Variants in CFLAR observed in about 807,000 individuals in gnomAD.
The protein encoded by CFLAR is CASP8 and FADD like apoptosis regulator.
In CFLAR, 14 loss-of-function variants were observed where a neutral mutation model predicts 51.1. That is an observed-to-expected ratio of 0.27 (90% CI 0.18 to 0.43). The LOEUF is 0.43. Ranked by LOEUF, CFLAR falls within the 20% of genes least tolerant of loss-of-function variation. The pLI is 1.00. For synonymous variants in CFLAR, 210 were observed against 211.6 expected (o/e 0.99, Z 0.06); for missense variants, 390 against 566.5 (o/e 0.69, Z 3.16).
In CFLAR at chr2:201,129,789, C is replaced by G; in HGVS notation, c.-77C>G. On this transcript the variant is annotated 5_prime_UTR_variant, in exon 2 of 10. Coordinates refer to ENST00000309955, the MANE Select transcript of CFLAR (RefSeq NM_003879.7). ...AGTCAGCCCTCAGAAATGAAGTTGA[C>G]TGCCTGCTGGCTTTCTGTTGACTGG... is the stretch of plus-strand genomic sequence containing the variant. The G allele has an allele frequency of 1.5e-6, 2 of 1,378,640 alleles. No individual in the cohort carries two copies. The highest frequency in any genetic ancestry group is 2.0e-6 in the Non-Finnish European group (2 of 996,924). The allele number at this position is 1,378,640 out of a possible 1,614,324, so 85.4% of individuals were successfully genotyped here.
At chr2:201,150,194 C>T (rs1941029259) in intron 8 of CFLAR, 1 of 155,050 alleles carries the variant, frequency 6.4e-6, no homozygotes. Flanking sequence ...ATTAGCTGGG[C>T]ATGGTGGTGG....
At chr2:201,125,116 C>CA (rs1033340593) in intron 1 of CFLAR, among the ~76,000 whole-genome samples, 1 of 152,044 alleles carries the variant, frequency 6.6e-6, no homozygotes, top group Non-Finnish European at 1.5e-5. Flanking sequence ...GACATAAATG[C>CA]AAAAAATCTA....
At chr2:201,132,042 A>G (rs2125680687) in intron 2 of CFLAR, among the ~76,000 whole-genome samples, 1 of 152,244 alleles carries the variant, frequency 6.6e-6, no homozygotes, top group African/African-American at 2.4e-5. Context: ...CTATTCAGCC[A>G]TCAGTTTTAA....
chr2:201,138,923 A>T lies in CFLAR; in HGVS notation c.524-1434A>T. Reference sequence around the variant, plus strand: ...TGAGGTCAGGTCCACCTCATCAGCTATGAAGTCTATGAATCCTGGGAGAAT... The same window carrying T: ...TGAGGTCAGGTCCACCTCATCAGCTTTGAAGTCTATGAATCCTGGGAGAAT... On this transcript the variant is annotated intron_variant, in intron 4 of 9. Coordinates refer to ENST00000309955, the MANE Select transcript of CFLAR (RefSeq NM_003879.7). This position sits in a 1 kb window ranked among gnomAD's most constrained non-coding sequence, Gnocchi z 4.0. 1 of 641,058 alleles carries T rather than the reference A, an allele frequency of 1.6e-6. No individual in the cohort carries two copies. Among genetic ancestry groups the T allele is most frequent in the South Asian group, 1.4e-5 (1 of 73,350 alleles). 39.7% of individuals were successfully genotyped at this position (641,058 alleles called of 1,614,324 possible).
At position 201,170,799 on chromosome 2, in the gene CFLAR, T is replaced by C. The variant is rs142152782; in HGVS notation, c.*6826T>C. Reference sequence around the variant, plus strand: ...CTTTTTTTTACACAAAAATATGTTGTGAATATTTTCCTATATTATGAAATA... The same window carrying C: ...CTTTTTTTTACACAAAAATATGTTGCGAATATTTTCCTATATTATGAAATA... On this transcript the variant is annotated 3_prime_UTR_variant, in exon 10 of 10. Coordinates refer to ENST00000309955, the MANE Select transcript of CFLAR (RefSeq NM_003879.7). 2 of 152,372 alleles carry C rather than the reference T, an allele frequency of 1.3e-5. No individual in the cohort carries two copies. Among genetic ancestry groups the C allele is most frequent in the African/African-American group, 4.8e-5 (2 of 41,590 alleles). The allele number at this position is 152,372 out of a possible 1,614,324, so 9.4% of individuals were successfully genotyped here.
chr2:201,165,245 T>C lies in CFLAR; in HGVS notation c.*1272T>C, dbSNP rs1396598337. On this transcript the variant is annotated 3_prime_UTR_variant, in exon 10 of 10. Transcript: ENST00000309955. The stretch of plus-strand genomic sequence containing the variant: ...TTTGAAATATCATTAGAGTTGCTTA[T>C]TATTATTATTATTATTATTATTATT... The C allele has an allele frequency of 7.4e-3, 12 of 1,612 alleles. No individual in the cohort carries two copies. Among genetic ancestry groups the C allele is most frequent in the Admixed American group, 0.059 (6 of 102 alleles). The allele number at this position is 1,612 out of a possible 1,614,324, so 0.1% of individuals were successfully genotyped here.
At chr2:201,126,005 G>A (rs532063785) in intron 1 of CFLAR, among the ~76,000 whole-genome samples, 1 of 152,202 alleles carries the variant, frequency 6.6e-6, no homozygotes, top group East Asian at 1.9e-4. Flanking sequence ...AATTGAAAAT[G>A]CTGGCCAGAG....
intron 1 of CFLAR, among the ~76,000 whole-genome samples, chr2:201,117,750 CT>C (rs1174973596): frequency 0.012 from 1,415 of 113,870 alleles, 8 homozygotes; most frequent in African/African-American, 0.034. Context: ...GCTCCAAGAT[CT>C]TTTTTTTTTT....
At chr2:201,156,202 G>A (rs772667668) in intron 8 of CFLAR, among the ~76,000 whole-genome samples, 43 of 152,194 alleles carry the variant, frequency 2.8e-4, no homozygotes, top group Middle Eastern at 6.8e-3. Context: ...AGAGTTTTCC[G>A]GTCAAGTAAA....
Position 201,124,355 on chromosome 2 carries a change from C to T in CFLAR, c.-137-5374C>T, listed in dbSNP as rs1010476772. 3.3e-5 allele frequency among the ~76,000 whole-genome samples: 5 copies of T among 152,074 alleles called. No individual in the cohort carries two copies. Among genetic ancestry groups the T allele is most frequent in the Non-Finnish European group, 7.4e-5 (5 of 68,004 alleles). On this transcript the variant is annotated intron_variant, in intron 1 of 9. Coordinates refer to ENST00000309955, the MANE Select transcript of CFLAR (RefSeq NM_003879.7). The surrounding 1 kb of genome is among the most constrained non-coding windows in gnomAD (Gnocchi z 4.7). ...TTTTGTTTTGTTTTGTTTTTCGAGA[C>T]GGAGTTTCACTCTTGTTGCCCAGGC...
chr2:201,123,909 G>A (rs1297895220), intron 1 of CFLAR, among the ~76,000 whole-genome samples: 1 of 152,090 alleles, frequency 6.6e-6, no homozygotes, highest in Non-Finnish European at 1.5e-5. Flanking sequence ...ATCTCCACTG[G>A]GGCTTCCCAG....
At chr2:201,130,349 CTTTCT>C (rs2049140745) in intron 2 of CFLAR, among the ~76,000 whole-genome samples, 1 of 121,952 alleles carries the variant, frequency 8.2e-6, no homozygotes, top group Non-Finnish European at 1.7e-5. Flanking sequence ...CTTTTTCTTT[CTTTCT>C]TTTTTTTTTT....
At chr2:201,130,187 G>GTGGGGGGGGGGGGGGGGGGGA in intron 2 of CFLAR, 41 bp downstream of exon 2, 1 of 292,394 alleles carries the variant, frequency 3.4e-6, no homozygotes, top group East Asian at 9.3e-5. Context: ...GGGTGGGAGG[G>GTGGGGGGGGGGGGGGGGGGGA]AGTGAAGTGT....
At chr2:201,125,488 G>A (rs2048589496) in intron 1 of CFLAR, among the ~76,000 whole-genome samples, 1 of 152,064 alleles carries the variant, frequency 6.6e-6, no homozygotes, top group African/African-American at 2.4e-5. Context: ...AGGATGAAGA[G>A]AGTAGACATA....
intron 2 of CFLAR, among the ~76,000 whole-genome samples, chr2:201,132,089 T>G (rs1195415591): frequency 2.0e-5 from 3 of 152,170 alleles, no homozygotes; most frequent in African/African-American, 7.2e-5. Flanking sequence ...AGGCACCAAC[T>G]GAGTTTCAGT....
intron 8 of CFLAR, among the ~76,000 whole-genome samples, chr2:201,156,772 C>T (rs2041766): frequency 0.25 from 35,857 of 144,200 alleles, 4,853 homozygotes; most frequent in African/African-American, 0.37. Flanking sequence ...TTGAAATTTA[C>T]GGAGATCAGA....
At position 201,166,623 on chromosome 2, in the gene CFLAR, A is replaced by G; in HGVS notation, c.*2650A>G. The G allele has an allele frequency of 5.6e-6, 1 of 179,196 alleles. No homozygotes were observed. The allele number at this position is 179,196 out of a possible 1,614,324, so 11.1% of individuals were successfully genotyped here. On this transcript the variant is annotated 3_prime_UTR_variant, in exon 10 of 10. Transcript: ENST00000309955. ...TGGGGGGCCAAGGCAGGCGGCTGGG[A>G]GGCGGAGGCCGTAGCCAGCTGAGAT...
chr2:201,151,843 T>G (rs1941332923), intron 8 of CFLAR, among the ~76,000 whole-genome samples: 1 of 152,122 alleles, frequency 6.6e-6, no homozygotes, highest in Admixed American at 6.6e-5. Flanking sequence ...GGGGGCTGAA[T>G]GTATATTTGA....
chr2:201,161,393 A>G (rs1942975098), intron 9 of CFLAR, among the ~76,000 whole-genome samples: 2 of 150,472 alleles, frequency 1.3e-5, no homozygotes, highest in South Asian at 2.1e-4. Flanking sequence ...AAATAAATAC[A>G]AATAACAAAT....
Sources: allele counts gnomAD v4.1 joint callset (sites outside exome capture counted in the v4.1 genomes callset), GRCh38; gene constraint gnomAD v4.1.1; non-coding constraint Gnocchi (gnomAD v3.1); transcripts MANE v1.5; gene names NCBI Gene and HGNC (gene_info 2026-07-23, HGNC 2026-07-21).